Variants in KCNQ4 observed in about 807,000 individuals in gnomAD.
KCNQ4 encodes the protein potassium voltage-gated channel subfamily KQT member 4.
A neutral mutation model predicts 72.6 loss-of-function variants in KCNQ4; 31 were observed. That is an observed-to-expected ratio of 0.43 (90% CI 0.32 to 0.58). The LOEUF (loss-of-function observed/expected upper bound fraction) is 0.58, where lower values mean the gene tolerates loss of function less well. Ranked by LOEUF, KCNQ4 falls within the 20% of genes least tolerant of loss-of-function variation. The pLI, the probability that KCNQ4 is intolerant of heterozygous loss-of-function variation, is 0.08. For missense variants in KCNQ4, 869 were observed against 962.6 expected (o/e 0.90, Z 1.29); for synonymous variants, 405 against 403.7 (o/e 1.00, Z -0.04).
intron 1 of KCNQ4, among the ~76,000 whole-genome samples, chr1:40,802,110 G>A (rs558034432): frequency 3.5e-4 from 53 of 152,152 alleles, no homozygotes; most frequent in Non-Finnish European, 6.6e-4. Flanking sequence ...CGCACTATCT[G>A]TATGGTCGGT....
At chr1:40,837,532 G>C (rs1366640106) in intron 12 of KCNQ4, 133 bp from the exon 13 acceptor site, 2 of 1,166,480 alleles carry the variant, frequency 1.7e-6, no homozygotes, top group East Asian at 5.0e-5. Context: ...CCTCCATCTG[G>C]CAGGGCAATG....
At chr1:40,821,141 C>T (rs979155968) in intron 7 of KCNQ4, among the ~76,000 whole-genome samples, 1 of 152,196 alleles carries the variant, frequency 6.6e-6, no homozygotes, top group Non-Finnish European at 1.5e-5. Flanking sequence ...GCCACTGTCC[C>T]CTGGGAGCTG....
At chr1:40,805,434 C>T (rs975970921) in intron 1 of KCNQ4, among the ~76,000 whole-genome samples, 3 of 152,212 alleles carry the variant, frequency 2.0e-5, no homozygotes, top group Admixed American at 1.3e-4. Context: ...CCCCCCACCA[C>T]TCTCCCCTTG....
At position 40,838,420 on chromosome 1, in the gene KCNQ4, C is replaced by G. The variant is rs1648875788; in HGVS notation, c.1985C>G (p.Pro662Arg). ...GCCGTGCAAGTGCCGCTGTTCGACC[C>G]CGACATCACCTCCGACTACCACAGC... ...LGAVQVPLFDPDITSDYHSPV... is the reference protein window; with the variant it reads ...LGAVQVPLFDRDITSDYHSPV... Residue 662 changes from proline (P) to arginine (R), a missense_variant, in exon 14 of 14, where the codon CCC (proline) becomes CGC (arginine). By Grantham distance (103) the Pro-to-Arg change is moderately radical. This residue lies in a region of KCNQ4 where 480 missense variants were observed against 501.9 expected (regional missense o/e 0.96). Transcript: ENST00000347132. The G allele has an allele frequency of 1.2e-6, 2 of 1,614,006 alleles. No individual in the cohort carries two copies. The highest frequency in any genetic ancestry group is 1.7e-6 in the Non-Finnish European group (2 of 1,179,980).
chr1:40,837,829 C>A (rs1357576660), intron 13 of KCNQ4, 35 bp downstream of exon 13: 1 of 1,589,156 alleles, frequency 6.3e-7, no homozygotes, highest in South Asian at 1.1e-5. Flanking sequence ...GCTGGCCATA[C>A]CAAGAAGCTC....
intron 1 of KCNQ4, among the ~76,000 whole-genome samples, chr1:40,785,288 A>G (rs933032891): frequency 4.6e-5 from 7 of 152,220 alleles, no homozygotes; most frequent in Non-Finnish European, 8.8e-5. Context: ...GTCTTGGGGT[A>G]CGGCCTGGCC....
intron 1 of KCNQ4, among the ~76,000 whole-genome samples, chr1:40,797,670 C>T (rs1570805645): frequency 6.6e-6 from 1 of 152,270 alleles, no homozygotes; most frequent in African/African-American, 2.4e-5. Context: ...GGGGATGCTA[C>T]CAACTTGTCC....
chr1:40,797,020 C>G (rs1001102466), intron 1 of KCNQ4, among the ~76,000 whole-genome samples: 1 of 152,260 alleles, frequency 6.6e-6, no homozygotes, highest in African/African-American at 2.4e-5. Context: ...CTCGCCCTTT[C>G]ATTTGAGAAA....
At chr1:40,830,623 TG>T in intron 9 of KCNQ4, among the ~76,000 whole-genome samples, 1 of 152,184 alleles carries the variant, frequency 6.6e-6, no homozygotes, top group Admixed American at 6.5e-5. Flanking sequence ...CCTGCCCCTG[TG>T]TACAGTGAGG....
At chr1:40,829,121 G>A in intron 9 of KCNQ4, among the ~76,000 whole-genome samples, 1 of 152,240 alleles carries the variant, frequency 6.6e-6, no homozygotes, top group Non-Finnish European at 1.5e-5. Context: ...AGCCTTATGT[G>A]GTGGGCGCAG....
intron 11 of KCNQ4, among the ~76,000 whole-genome samples, chr1:40,834,608 A>C (rs896096285): frequency 1.1e-4 from 16 of 151,708 alleles, no homozygotes; most frequent in Admixed American, 6.6e-4. Flanking sequence ...AAAAAAAAAA[A>C]AACAGAGTTA....
At position 40,815,812 on chromosome 1, in the gene KCNQ4, C is replaced by T. The variant is rs114366337; in HGVS notation, c.315-1453C>T. Among the ~76,000 whole-genome samples, 1,448 of 152,226 alleles carry T rather than the reference C, an allele frequency of 9.5e-3. 26 individuals carry two copies. Among genetic ancestry groups the T allele is most frequent in the African/African-American group, 0.033 (1,388 of 41,530 alleles). ...TCCATAGCCCCCACTTCATAGATAA[C>T]GAGATGGCTCAGAGAAGGCAGGTGA... is the stretch of plus-strand genomic sequence containing the variant. On this transcript the variant is annotated intron_variant, in intron 1 of 13. Transcript: ENST00000347132.
chr1:40,790,929 C>T (rs1285938807), intron 1 of KCNQ4, among the ~76,000 whole-genome samples: 24 of 152,158 alleles, frequency 1.6e-4, no homozygotes, highest in Admixed American at 1.3e-4. Flanking sequence ...ATGGGGAGGA[C>T]GGTGTATGCC....
intron 1 of KCNQ4, among the ~76,000 whole-genome samples, chr1:40,795,330 T>C (rs1647381751): frequency 1.3e-5 from 2 of 149,764 alleles, no homozygotes; most frequent in African/African-American, 4.9e-5. Context: ...GGTGTGATCA[T>C]GGTTCACTGC....
intron 3 of KCNQ4, 103 bp from the exon 4 acceptor site, chr1:40,818,402 T>G: frequency 1.4e-6 from 2 of 1,419,642 alleles, no homozygotes; most frequent in Non-Finnish European, 1.9e-6. Context: ...CAGCGGACCC[T>G]CCCCCTCCCT....
Position 40,819,858 on chromosome 1 carries a change from C to A in KCNQ4, c.835-17C>A, listed in dbSNP as rs372900278. On this transcript the variant is annotated splice_polypyrimidine_tract_variant and intron_variant, in intron 5 of 13. Coordinates refer to ENST00000347132, the MANE Select transcript of KCNQ4 (RefSeq NM_004700.4). ...CCCCCGTGACCAGTCCTGCCTGTAACCTGTTTGTGTCTCCAGATTACATTG... is the reference window on the plus strand; with the variant it reads ...CCCCCGTGACCAGTCCTGCCTGTAAACTGTTTGTGTCTCCAGATTACATTG... 429 of 1,587,158 alleles carry A rather than the reference C, an allele frequency of 2.7e-4. No individual in the cohort carries two copies. The highest frequency in any genetic ancestry group is 3.2e-4 in the Non-Finnish European group (371 of 1,155,488).
intron 11 of KCNQ4, among the ~76,000 whole-genome samples, chr1:40,833,336 G>A (rs1648712453): frequency 6.6e-6 from 1 of 152,014 alleles, no homozygotes; most frequent in African/African-American, 2.4e-5. Context: ...CTTGAACCTG[G>A]GAGGCAGAGG....
chr1:40,810,669 C>T (rs577943211), intron 1 of KCNQ4, among the ~76,000 whole-genome samples: 49 of 152,266 alleles, frequency 3.2e-4, no homozygotes, highest in African/African-American at 1.1e-3. Context: ...ACTGGGCAAA[C>T]GCCCAGTGGG....
chr1:40,784,434 G>T lies in KCNQ4; in HGVS notation c.314+27G>T, dbSNP rs769215469. On this transcript the variant is annotated intron_variant, in intron 1 of 13. Coordinates refer to ENST00000347132, the MANE Select transcript of KCNQ4 (RefSeq NM_004700.4). The surrounding 1 kb of genome is among the most constrained non-coding windows in gnomAD (Gnocchi z 4.1). The stretch of plus-strand genomic sequence containing the variant: ...TGAGTTTGCGACCCCGCGCCCTTCC[G>T]CGTTTCCCCGCGCAAGCCTGGCCTC... 6.2e-7 allele frequency: 1 copy of T among 1,600,406 alleles called. No individual in the cohort carries two copies. Among genetic ancestry groups the T allele is most frequent in the South Asian group, 1.1e-5 (1 of 91,004 alleles).
Sources: gnomAD v4.1 joint callset for allele counts (sites outside exome capture counted in the v4.1 genomes callset) on GRCh38, gnomAD v4.1.1 for gene constraint, gnomAD v4.1.1 regional missense constraint, Gnocchi (gnomAD v3.1) non-coding constraint, MANE v1.5 for transcripts, NCBI Gene and HGNC (gene_info 2026-07-23, HGNC 2026-07-21) for gene names.